Variants in CHST9 observed in about 807,000 individuals in gnomAD.
The protein encoded by CHST9 is GalNAc-4-sulfotransferase 2.
A neutral mutation model predicts 44.4 loss-of-function variants in CHST9; 41 were observed. The ratio of observed to expected loss-of-function variants is 0.92; its 90% CI spans 0.72 to 1.20. The LOEUF (loss-of-function observed/expected upper bound fraction) is 1.20. Ranked by LOEUF, CHST9 falls within the 50% of genes most tolerant of loss-of-function variation. CHST9 has a pLI of 0.00. For missense variants in CHST9, 504 were observed against 516.5 expected (o/e 0.98, Z 0.23); for synonymous variants, 171 against 178.4 (o/e 0.96, Z 0.33).
At chr18:27,084,316 A>G (rs1353384040) in intron 2 of CHST9, among the ~76,000 whole-genome samples, 1 of 151,780 alleles carries the variant, frequency 6.6e-6, no homozygotes, top group Non-Finnish European at 1.5e-5. Flanking sequence ...CACTGATTCA[A>G]TTTCAGAACT....
chr18:27,061,041 G>C (rs1038965059), intron 2 of CHST9, among the ~76,000 whole-genome samples: 2 of 152,078 alleles, frequency 1.3e-5, no homozygotes, highest in Non-Finnish European at 2.9e-5. Flanking sequence ...TCACATCTGG[G>C]CATGATGACT....
rs532470937 is a variant in CHST9, at chr18:27,184,684, C to A, written c.-97+452G>T. 3.3e-5 allele frequency among the ~76,000 whole-genome samples: 5 copies of A among 152,296 alleles called. No homozygotes were observed. The East Asian group carries it at 7.8e-4, about 24-fold the overall frequency. On this transcript the variant is annotated intron_variant, in intron 1 of 5. Coordinates refer to ENST00000618847, the MANE Select transcript of CHST9 (RefSeq NM_031422.6). The stretch of plus-strand genomic sequence containing the variant: ...GAGATGCTCGTCTTTCTGCCACACA[C>A]CCTGGAGGACCCGACAGACTGGCAG...
chr18:27,053,272 AG>A (rs1399246596), intron 2 of CHST9, among the ~76,000 whole-genome samples: 38 of 123,214 alleles, frequency 3.1e-4, no homozygotes, highest in African/African-American at 1.1e-3. Flanking sequence ...GAGAAGGAGA[AG>A]GAGAAGGAGA....
At chr18:27,014,520 T>C (rs1014836442) in intron 4 of CHST9, among the ~76,000 whole-genome samples, 2 of 137,318 alleles carry the variant, frequency 1.5e-5, no homozygotes, top group African/African-American at 5.4e-5. Context: ...AAAACGAATG[T>C]TTTTGCAACT....
chr18:26,950,403 A>G (rs1274057227), intron 4 of CHST9, among the ~76,000 whole-genome samples: 2 of 152,220 alleles, frequency 1.3e-5, no homozygotes, highest in African/African-American at 4.8e-5. Context: ...TTCATTATAT[A>G]AAAAAGACAT....
intron 5 of CHST9, among the ~76,000 whole-genome samples, chr18:26,941,290 C>T (rs1320237235): frequency 2.0e-5 from 3 of 152,100 alleles, no homozygotes; most frequent in South Asian, 4.1e-4. Context: ...GCCTCATATT[C>T]GGTGTTCCTC....
rs548891336 is a variant in CHST9, at chr18:27,061,454, A to T, written c.122-12951T>A. The stretch of plus-strand genomic sequence containing the variant: ...CCAGCCAGGCACTGTACTTTAGAGG[A>T]TCTTCTCTTGCTCTCTTTCACACAC... On this transcript the variant is annotated intron_variant, in intron 2 of 5. Transcript: ENST00000618847. Among the ~76,000 whole-genome samples, 3 of 152,302 alleles carry T rather than the reference A, an allele frequency of 2.0e-5. No individual in the cohort carries two copies. In the East Asian group the frequency reaches 5.8e-4, roughly 29 times the overall value.
At position 27,175,828 on chromosome 18, in the gene CHST9, C is replaced by A. The variant is rs117857087; in HGVS notation, c.-97+9308G>T. Among the ~76,000 whole-genome samples, 666 of 151,942 alleles carry A rather than the reference C, an allele frequency of 4.4e-3. 3 individuals are homozygous for A. The highest frequency in any genetic ancestry group is 7.8e-3 in the Non-Finnish European group (533 of 67,930). ...AAAACCAGATGGATCCCTATCTTAG[C>A]GGTTAATTAAATAATTATACAAATA... On this transcript the variant is annotated intron_variant, in intron 1 of 5. Coordinates refer to ENST00000618847, the MANE Select transcript of CHST9 (RefSeq NM_031422.6).
chr18:27,184,187 C>T (rs1283209535), intron 1 of CHST9, among the ~76,000 whole-genome samples: 1 of 152,114 alleles, frequency 6.6e-6, no homozygotes, highest in African/African-American at 2.4e-5. Context: ...GTCACACACA[C>T]ACATTGTGTA....
At chr18:26,979,952 T>TGA (rs1406448430) in intron 4 of CHST9, among the ~76,000 whole-genome samples, 1 of 152,192 alleles carries the variant, frequency 6.6e-6, no homozygotes, top group Admixed American at 6.5e-5. Flanking sequence ...GATTCATAAA[T>TGA]GAGAAATTCT....
chr18:26,979,027 TA>T (rs1240005607), intron 4 of CHST9, among the ~76,000 whole-genome samples: 5 of 151,992 alleles, frequency 3.3e-5, no homozygotes, highest in African/African-American at 1.2e-4. Flanking sequence ...TATTTTATTT[TA>T]TTTTTTTTAA....
At chr18:27,080,933 C>CAAA (rs2057954223) in intron 2 of CHST9, among the ~76,000 whole-genome samples, 1 of 113,556 alleles carries the variant, frequency 8.8e-6, no homozygotes, top group African/African-American at 3.6e-5. Context: ...CTGACATGAC[C>CAAA]AAGAAGAAAT....
chr18:26,934,528 C>G (rs2145094770), intron 5 of CHST9: 1 of 152,370 alleles, frequency 6.6e-6, no homozygotes, highest in Middle Eastern at 3.4e-3. Flanking sequence ...GCCACCGCGC[C>G]CGGCCGTAGT....
chr18:27,042,143 T>C (rs532070905), intron 3 of CHST9, among the ~76,000 whole-genome samples: 5 of 152,250 alleles, frequency 3.3e-5, no homozygotes, highest in African/African-American at 9.6e-5. Context: ...CCTGGGCCAC[T>C]GGGCATAAGA....
intron 2 of CHST9, among the ~76,000 whole-genome samples, chr18:27,076,688 T>C (rs1434104065): frequency 2.0e-5 from 3 of 152,198 alleles, no homozygotes; most frequent in African/African-American, 7.2e-5. Flanking sequence ...CTGCATAACC[T>C]TGAGGTCTTG....
intron 4 of CHST9, 56 bp downstream of exon 4, chr18:27,024,060 T>C (rs565945499): frequency 3.3e-6 from 5 of 1,502,918 alleles, no homozygotes; most frequent in African/African-American, 1.4e-5. Flanking sequence ...ATTCTAGTTG[T>C]TGCTCTGCTT....
Position 26,908,576 on chromosome 18 carries a change from T to A in CHST9, c.*7683A>T, listed in dbSNP as rs2055399386. ...AAAGAGAAAAGAAGTAATTTTTAAA[T>A]AAATAAATAAAAAAGGCAGGACTTC... is the stretch of plus-strand genomic sequence containing the variant. On this transcript the variant is annotated 3_prime_UTR_variant, in exon 6 of 6. Transcript: ENST00000618847. 1 of 152,088 alleles carries A rather than the reference T, an allele frequency of 6.6e-6. No homozygotes were observed. The highest frequency in any genetic ancestry group is 2.4e-5 in the African/African-American group (1 of 41,422). The allele number at this position is 152,088 out of a possible 1,614,324, so 9.4% of individuals were successfully genotyped here.
intron 2 of CHST9, among the ~76,000 whole-genome samples, chr18:27,138,420 G>A (rs2058535141): frequency 6.6e-6 from 1 of 152,046 alleles, no homozygotes; most frequent in African/African-American, 2.4e-5. Context: ...TCTCCTGCCA[G>A]CTTCTACATT....
intron 2 of CHST9, among the ~76,000 whole-genome samples, chr18:27,050,222 T>C (rs2057549524): frequency 6.6e-6 from 1 of 152,086 alleles, no homozygotes; most frequent in Non-Finnish European, 1.5e-5. Flanking sequence ...GTTGAATAAG[T>C]GAAATGGGGT....
Sources: allele counts gnomAD v4.1 joint callset (sites outside exome capture counted in the v4.1 genomes callset), GRCh38; gene constraint gnomAD v4.1.1; transcripts MANE v1.5; gene names NCBI Gene and HGNC (gene_info 2026-07-23, HGNC 2026-07-21).